KIF25: variants seen among roughly 807,000 people sequenced by gnomAD.
The protein encoded by KIF25 is kinesin-like protein KIF25.
KIF25 carries 19 observed loss-of-function variants against 32.9 expected under a neutral mutation model. The ratio of observed to expected loss-of-function variants is 0.58; its 90% confidence interval spans 0.40 to 0.85. The LOEUF (loss-of-function observed/expected upper bound fraction) is 0.85. Ranked by LOEUF, KIF25 falls within the 40% of genes least tolerant of loss-of-function variation. The pLI is 0.00. For synonymous variants in KIF25, 225 were observed against 213.7 expected (o/e 1.05, Z -0.46); for missense variants, 485 against 507.0 (o/e 0.96, Z 0.42).
chr6:168,023,186 T>A (rs761006784), intron 5 of KIF25, among the ~76,000 whole-genome samples: 16 of 152,026 alleles, frequency 1.1e-4, no homozygotes, highest in Admixed American at 2.6e-4. Context: ...TTCCTCAGCC[T>A]GGGTGCTTGC....
At chr6:168,022,738 G>A (rs1323938581) in intron 5 of KIF25, among the ~76,000 whole-genome samples, 2 of 150,196 alleles carry the variant, frequency 1.3e-5, no homozygotes, top group Non-Finnish European at 3.0e-5. Flanking sequence ...TATCTTTGGT[G>A]AGGAGTTTTT....
At chr6:168,000,428 C>T (rs1798483768) in intron 2 of KIF25, among the ~76,000 whole-genome samples, 1 of 122,220 alleles carries the variant, frequency 8.2e-6, no homozygotes, top group Non-Finnish European at 1.7e-5. Flanking sequence ...CCCATCCTGT[C>T]TACACCTGAC....
Position 168,040,071 on chromosome 6 carries a change from C to A in KIF25, c.501C>A (p.Val167=). Residue 167 remains valine, a synonymous_variant, in exon 10 of 13, where the codon GTC becomes GTA. Coordinates refer to ENST00000643607, the MANE Select transcript of KIF25 (RefSeq NM_030615.4). ...TEVALLASEA[V]GSASKLMELV... ...CTGCTTGCCTTGTCTGTAGGGCTGTCGGCAGCGCCTCGAAACTGATGGAGC... is the reference window on the plus strand; with the variant it reads ...CTGCTTGCCTTGTCTGTAGGGCTGTAGGCAGCGCCTCGAAACTGATGGAGC... 2 of 1,612,384 alleles carry A rather than the reference C, an allele frequency of 1.2e-6. No individual in the cohort carries two copies.
chr6:168,008,192 G>A (rs1301671660), intron 4 of KIF25, among the ~76,000 whole-genome samples: 1 of 152,148 alleles, frequency 6.6e-6, no homozygotes, highest in Non-Finnish European at 1.5e-5. Flanking sequence ...TCTTCCAGTA[G>A]TTTAATCACT....
chr6:168,017,328 T>A (rs1274176308), intron 4 of KIF25, among the ~76,000 whole-genome samples: 1 of 152,214 alleles, frequency 6.6e-6, no homozygotes, highest in Non-Finnish European at 1.5e-5. Flanking sequence ...TCATTCTCCC[T>A]ATCACCCCTG....
intron 4 of KIF25, among the ~76,000 whole-genome samples, chr6:168,008,895 A>G (rs1026215409): frequency 1.1e-4 from 16 of 152,266 alleles, no homozygotes; most frequent in African/African-American, 3.9e-4. Context: ...GCTCATATAT[A>G]GAAACAATAC....
rs1798440906 is a variant in KIF25 at position 167,997,676 on chromosome 6, G to C, written c.-1793G>C. Among the ~76,000 whole-genome samples, 1 of 152,020 alleles carries C rather than the reference G, an allele frequency of 6.6e-6. No individual in the cohort carries two copies. Among genetic ancestry groups the C allele is most frequent in the Non-Finnish European group, 1.5e-5 (1 of 67,998 alleles). On this transcript the variant is annotated 5_prime_UTR_variant, in exon 1 of 13. Transcript: ENST00000643607. The stretch of plus-strand genomic sequence containing the variant: ...CCATTAACAAGACCCAGAGGCTCTC[G>C]TGCTTTCTTGGTCGAAGGTATGAGA...
At chr6:168,021,976 G>A (rs1562385416) in intron 5 of KIF25, among the ~76,000 whole-genome samples, 1 of 152,168 alleles carries the variant, frequency 6.6e-6, no homozygotes, top group Non-Finnish European at 1.5e-5. Context: ...GTTTCACTCG[G>A]CAGTTGCTGA....
intron 4 of KIF25, among the ~76,000 whole-genome samples, chr6:168,015,457 G>C (rs1798700627): frequency 6.6e-6 from 1 of 152,204 alleles, no homozygotes; most frequent in Non-Finnish European, 1.5e-5. Flanking sequence ...AGTTTTTACT[G>C]ATCATTGCCT....
intron 4 of KIF25, among the ~76,000 whole-genome samples, chr6:168,017,204 C>T (rs73788686): frequency 6.6e-6 from 1 of 151,696 alleles, no homozygotes; most frequent in African/African-American, 2.4e-5. Context: ...CACACACACA[C>T]AGACACACAC....
chr6:168,006,914 C>G (rs1798586966), intron 4 of KIF25, among the ~76,000 whole-genome samples: 1 of 152,228 alleles, frequency 6.6e-6, no homozygotes, highest in South Asian at 2.1e-4. Flanking sequence ...ATTGTTATAG[C>G]CATACTTTAA....
intron 5 of KIF25, among the ~76,000 whole-genome samples, chr6:168,025,681 A>G (rs1798850510): frequency 1.3e-5 from 2 of 152,232 alleles, no homozygotes; most frequent in Non-Finnish European, 2.9e-5. Context: ...CTGAATGTTT[A>G]GAGCCAAATG....
intron 7 of KIF25, among the ~76,000 whole-genome samples, chr6:168,033,535 G>T (rs1798971589): frequency 6.6e-6 from 1 of 151,878 alleles, no homozygotes; most frequent in Admixed American, 6.6e-5. Flanking sequence ...TACAGTGAAG[G>T]TGTGGGGATT....
rs1799028732 is a variant in KIF25 at position 168,036,541 on chromosome 6, G to A, written c.318-2012G>A. 2.0e-5 allele frequency among the ~76,000 whole-genome samples: 3 copies of A among 152,218 alleles called. No homozygotes were observed. In the South Asian group the frequency reaches 6.2e-4, roughly 31 times the overall value. ...TTCTTAAAGGCTAAGACTGCAGCCT[G>A]TGGTTTTCACCATTGTCCCTAGAAT... On this transcript the variant is annotated intron_variant, in intron 8 of 12. Coordinates refer to ENST00000643607, the MANE Select transcript of KIF25 (RefSeq NM_030615.4).
chr6:168,021,189 G>A (rs1798782743), intron 5 of KIF25, among the ~76,000 whole-genome samples: 1 of 152,180 alleles, frequency 6.6e-6, no homozygotes, highest in East Asian at 1.9e-4. Context: ...GACTTTAATA[G>A]TTTTACTCTT....
intron 4 of KIF25, among the ~76,000 whole-genome samples, chr6:168,005,539 C>T (rs942470022): frequency 7.2e-5 from 11 of 152,086 alleles, no homozygotes; most frequent in Admixed American, 3.3e-4. Flanking sequence ...AGGGACAGAA[C>T]GAATGGAATA....
chr6:168,007,971 C>A (rs1393278781), intron 4 of KIF25, among the ~76,000 whole-genome samples: 1 of 152,216 alleles, frequency 6.6e-6, no homozygotes, highest in Non-Finnish European at 1.5e-5. Flanking sequence ...GGCCCTACTG[C>A]ATCACTCTTA....
At chr6:168,011,304 G>A (rs1049507503) in intron 4 of KIF25, among the ~76,000 whole-genome samples, 5 of 151,928 alleles carry the variant, frequency 3.3e-5, no homozygotes, top group African/African-American at 1.2e-4. Flanking sequence ...TTATAGTTTT[G>A]TATTTTTTAT....
chr6:168,027,776 C>T (rs1798884164), intron 5 of KIF25, among the ~76,000 whole-genome samples: 2 of 152,338 alleles, frequency 1.3e-5, no homozygotes, highest in South Asian at 4.1e-4. Context: ...AACGGGTTCT[C>T]TGTGTCGCGT....
Sources: gnomAD v4.1 joint callset for allele counts (sites outside exome capture counted in the v4.1 genomes callset) on GRCh38, gnomAD v4.1.1 for gene constraint, MANE v1.5 for transcripts, NCBI Gene and HGNC (gene_info 2026-07-23, HGNC 2026-07-21) for gene names.